DLGAP2: variants seen among roughly 807,000 people sequenced by gnomAD.
The protein encoded by DLGAP2 is disks large-associated protein 2.
In DLGAP2, 26 loss-of-function variants were observed where a neutral mutation model predicts 100.3. The observed-to-expected ratio is 0.26, with a 90% CI of 0.19 to 0.36. DLGAP2 has a LOEUF of 0.36. Among genes scored for constraint, DLGAP2 ranks in the 10% least tolerant of loss-of-function variants. The probability of loss-of-function intolerance (pLI) is 1.00; values close to 1 mark genes in which losing one functional copy is unlikely to be tolerated. For missense variants in DLGAP2, 1,858 were observed against 1,453.2 expected (o/e 1.28, Z -4.53); for synonymous variants, 886 against 630.1 (o/e 1.41, Z -6.08).
intron 1 of DLGAP2, among the ~76,000 whole-genome samples, chr8:826,959 A>T (rs1052925853): frequency 2.0e-5 from 3 of 152,168 alleles, no homozygotes; most frequent in African/African-American, 7.2e-5. Flanking sequence ...GTGTTTCAGA[A>T]CTACAGAAGG....
At chr8:1,408,378 T>A (rs1796635744) in intron 3 of DLGAP2, among the ~76,000 whole-genome samples, 1 of 152,144 alleles carries the variant, frequency 6.6e-6, no homozygotes, top group Middle Eastern at 3.2e-3. Flanking sequence ...AGAAATCAGT[T>A]CCAGGCCCCA....
chr8:1,286,391 A>T (rs558517488), intron 3 of DLGAP2, among the ~76,000 whole-genome samples: 1 of 152,364 alleles, frequency 6.6e-6, no homozygotes, highest in Admixed American at 6.5e-5. Context: ...AATACAATGT[A>T]TATAGAAATC....
chr8:978,845 A>G (rs1343615135), intron 2 of DLGAP2, among the ~76,000 whole-genome samples: 5 of 152,188 alleles, frequency 3.3e-5, no homozygotes, highest in East Asian at 1.9e-4. Context: ...TTCTTTACAC[A>G]TTCCCAGTTA....
intron 1 of DLGAP2, among the ~76,000 whole-genome samples, chr8:838,531 A>G (rs911187539): frequency 3.3e-5 from 5 of 152,136 alleles, no homozygotes; most frequent in Non-Finnish European, 7.3e-5. Flanking sequence ...TCCATAATAT[A>G]CATTGTTTGA....
At chr8:767,590 C>T (rs543691697) in intron 1 of DLGAP2, among the ~76,000 whole-genome samples, 64 of 152,182 alleles carry the variant, frequency 4.2e-4, no homozygotes, top group Non-Finnish European at 7.5e-4. Flanking sequence ...CTCCTGACCT[C>T]GTGATCCACG....
At chr8:1,567,826 C>T (rs1371974131) in intron 6 of DLGAP2, among the ~76,000 whole-genome samples, 1 of 152,234 alleles carries the variant, frequency 6.6e-6, no homozygotes, top group Non-Finnish European at 1.5e-5. Context: ...CACCTAAACA[C>T]TGGCCAGACC....
At chr8:1,239,447 A>G (rs1465537823) in intron 2 of DLGAP2, among the ~76,000 whole-genome samples, 8 of 15,320 alleles carry the variant, frequency 5.2e-4, no homozygotes, top group Admixed American at 7.5e-4. Flanking sequence ...ACATGGTGCT[A>G]TGTCTAGATC....
intron 3 of DLGAP2, among the ~76,000 whole-genome samples, chr8:1,360,919 C>G (rs897156258): frequency 6.6e-6 from 1 of 152,228 alleles, no homozygotes; most frequent in African/African-American, 2.4e-5. Flanking sequence ...TTTCTCGCCT[C>G]TCATCGCTCA....
At chr8:1,153,568 C>T (rs1049449027) in intron 2 of DLGAP2, among the ~76,000 whole-genome samples, 4 of 152,024 alleles carry the variant, frequency 2.6e-5, no homozygotes, top group Admixed American at 2.6e-4. Flanking sequence ...TGTTTTTATC[C>T]TCTTTTTCAT....
intron 3 of DLGAP2, among the ~76,000 whole-genome samples, chr8:1,336,945 A>T (rs563692919): frequency 1.1e-4 from 17 of 152,374 alleles, no homozygotes; most frequent in Non-Finnish European, 1.3e-4. Flanking sequence ...TTTTCTAAGT[A>T]CAAGTTATCC....
intron 2 of DLGAP2, among the ~76,000 whole-genome samples, chr8:1,165,599 CCCT>C (rs1266940617): frequency 3.0e-4 from 45 of 152,320 alleles, no homozygotes; most frequent in African/African-American, 1.0e-3. Flanking sequence ...GTGGCCCTTG[CCCT>C]TGTGAAATTG....
intron 2 of DLGAP2, among the ~76,000 whole-genome samples, chr8:943,936 T>C (rs1691285675): frequency 6.6e-6 from 1 of 152,280 alleles, no homozygotes; most frequent in Non-Finnish European, 1.5e-5. Flanking sequence ...GATTTGAATC[T>C]GTCAGTGTTG....
At chr8:1,542,290 G>T (rs969156019) in intron 4 of DLGAP2, among the ~76,000 whole-genome samples, 4 of 152,200 alleles carry the variant, frequency 2.6e-5, no homozygotes, top group African/African-American at 9.6e-5. Context: ...GCTTTAGGAT[G>T]TACAATTCGG....
intron 2 of DLGAP2, among the ~76,000 whole-genome samples, chr8:1,165,737 C>G (rs1797002516): frequency 6.6e-6 from 1 of 152,182 alleles, no homozygotes; most frequent in South Asian, 2.1e-4. Context: ...TGAAGATTTG[C>G]TCTTTCAGTT....
intron 2 of DLGAP2, among the ~76,000 whole-genome samples, chr8:1,042,754 T>TGGCTGGC (rs1563161071): frequency 1.9e-5 from 2 of 106,394 alleles, no homozygotes; most frequent in Non-Finnish European, 1.9e-5. Context: ...GTCGTGGATG[T>TGGCTGGC]AGGTGGTGGA....
At chr8:1,287,422 CGTGT>C (rs1165608144) in intron 3 of DLGAP2, among the ~76,000 whole-genome samples, 5 of 84,490 alleles carry the variant, frequency 5.9e-5, no homozygotes, top group Admixed American at 1.5e-4. Flanking sequence ...TTTGGTTCAG[CGTGT>C]GTGTGTGTGT....
chr8:1,678,072 A>T, intron 11 of DLGAP2, 142 bp from the exon 12 acceptor site: 1 of 882,724 alleles, frequency 1.1e-6, no homozygotes, highest in Non-Finnish European at 1.7e-6. Flanking sequence ...ACACCAGCAT[A>T]TTTCACAAAC....
intron 1 of DLGAP2, among the ~76,000 whole-genome samples, chr8:808,885 A>G (rs1029680611): frequency 6.7e-6 from 1 of 148,216 alleles, no homozygotes; most frequent in African/African-American, 2.5e-5. Flanking sequence ...TTCACATTGG[A>G]TGATAATTGC....
chr8:834,053 G>C (rs1237478665), intron 1 of DLGAP2, among the ~76,000 whole-genome samples: 3 of 152,200 alleles, frequency 2.0e-5, no homozygotes, highest in Non-Finnish European at 4.4e-5. Context: ...TAACCAAGGA[G>C]TGGGATTCAT....
Sources: gnomAD v4.1 joint callset for allele counts (sites outside exome capture counted in the v4.1 genomes callset) on GRCh38, gnomAD v4.1.1 for gene constraint, MANE v1.5 for transcripts, NCBI Gene and HGNC (gene_info 2026-07-23, HGNC 2026-07-21) for gene names.